Variants in CLPTM1L observed in about 807,000 individuals in gnomAD.
The protein encoded by CLPTM1L is CLPTM1 like, also known as lipid scramblase CLPTM1L.
CLPTM1L carries 38 observed loss-of-function variants against 70.9 expected under a neutral mutation model. The observed-to-expected ratio is 0.54, with a 90% CI of 0.41 to 0.70. The LOEUF is 0.70. Among genes scored for constraint, CLPTM1L ranks in the 30% least tolerant of loss-of-function variants. The probability of loss-of-function intolerance (pLI) is 0.00; values close to 1 mark genes in which losing one functional copy is unlikely to be tolerated. For synonymous variants in CLPTM1L, 339 were observed against 299.9 expected (o/e 1.13, Z -1.35); for missense variants, 652 against 705.9 (o/e 0.92, Z 0.87).
chr5:1,325,864 G>C (rs1348291285), intron 9 of CLPTM1L, 48 bp from the exon 10 acceptor site: 1 of 1,557,836 alleles, frequency 6.4e-7, no homozygotes, highest in Non-Finnish European at 8.8e-7. Flanking sequence ...CGAAGGCCAG[G>C]AGCCACGAAT....
At position 1,335,536 on chromosome 5, in the gene CLPTM1L, C is replaced by T. The variant is rs954942129; in HGVS notation, c.679-362G>A. 3.9e-5 allele frequency among the ~76,000 whole-genome samples: 6 copies of T among 152,396 alleles called. No individual in the cohort carries two copies. The East Asian group carries it at 5.8e-4, about 15-fold the overall frequency. On this transcript the variant is annotated intron_variant, in intron 5 of 16. Transcript: ENST00000320895. ...TAGGACTCCATGGCGCAGCATACGG[C>T]GCTGAGCTTGGCCTGCAGAGCCCTG...
chr5:1,328,529 GAC>G (rs1752806034), intron 9 of CLPTM1L, among the ~76,000 whole-genome samples: 1 of 149,718 alleles, frequency 6.7e-6, no homozygotes, highest in Admixed American at 6.6e-5. Context: ...CTCCTCTGCA[GAC>G]ACATTTCATC....
At chr5:1,334,823 C>T (rs1753457472) in intron 6 of CLPTM1L, among the ~76,000 whole-genome samples, 1 of 152,208 alleles carries the variant, frequency 6.6e-6, no homozygotes. Context: ...TTCATTTGAC[C>T]AAACTCATGG....
chr5:1,329,337 C>T (rs1752911688), intron 9 of CLPTM1L, among the ~76,000 whole-genome samples: 1 of 152,284 alleles, frequency 6.6e-6, no homozygotes, highest in Non-Finnish European at 1.5e-5. Flanking sequence ...TCTCAAGGCC[C>T]CACGGTTTAC....
rs963367224 is a variant in CLPTM1L at position 1,320,644 on chromosome 5, C to T, written c.1504G>A (p.Val502Met). 4 of 1,545,430 alleles carry T rather than the reference C, an allele frequency of 2.6e-6. No individual in the cohort carries two copies. Among genetic ancestry groups the T allele is most frequent in the Non-Finnish European group, 3.5e-6 (4 of 1,143,988 alleles). ...CGCTGGTACAGGTAGACCAGAAACA[C>T]CACGTCGTCCCGGAAGCAGGCCAGC... ...HRLACFRDDV[V>M]FLVYLYQRWL... The change falls in exon 16 of 17, where the codon GTG (valine) becomes ATG (methionine). Residue 502 changes from valine (V) to methionine (M), a missense_variant. By Grantham distance (21) the Val-to-Met change is conservative (BLOSUM62 1). Coordinates refer to ENST00000320895, the MANE Select transcript of CLPTM1L (RefSeq NM_030782.5).
intron 7 of CLPTM1L, 146 bp downstream of exon 7, chr5:1,334,142 GC>G (rs1753392985): frequency 1.7e-6 from 1 of 572,042 alleles, no homozygotes; most frequent in African/African-American, 1.9e-5. Context: ...TGTCAGGCGT[GC>G]TGGCTGCTGA....
chr5:1,325,944 T>A, intron 9 of CLPTM1L, 128 bp from the exon 10 acceptor site: 1 of 740,812 alleles, frequency 1.3e-6, no homozygotes, highest in Non-Finnish European at 2.3e-6. Flanking sequence ...CCTCTTCCTG[T>A]CCCTCCCACA....
chr5:1,339,460 C>G, intron 3 of CLPTM1L, among the ~76,000 whole-genome samples: 1 of 133,106 alleles, frequency 7.5e-6, no homozygotes, highest in Admixed American at 7.4e-5. Context: ...AGGGTCAGCG[C>G]CCTAACCTGT....
chr5:1,324,647 C>T (rs1057332339), intron 11 of CLPTM1L, 116 bp downstream of exon 11: 7 of 1,018,594 alleles, frequency 6.9e-6, no homozygotes, highest in South Asian at 4.1e-5. Flanking sequence ...CTGCTCAAGG[C>T]GGGCTGACCC....
Position 1,321,819 on chromosome 5 carries a change from C to T in CLPTM1L, c.1316G>A (p.Gly439Glu). Residue 439 changes from glycine to glutamate, a missense_variant and splice_region_variant, in exon 14 of 17, where the codon GGG becomes GAG. This residue lies in a region of CLPTM1L where 240 missense variants were observed against 295.0 expected (regional missense o/e 0.81). Transcript: ENST00000320895. Reference sequence around the variant, plus strand: ...GAAGAGGAAACCAAAGGCATAGACCCCTGCAGAAAGACAGACAGCACTCAC... The same window carrying T: ...GAAGAGGAAACCAAAGGCATAGACCTCTGCAGAAAGACAGACAGCACTCAC... The part of the protein sequence containing the change: ...YSWLINSFVN[G>E]VYAFGFLFML... 1 of 1,613,668 alleles carries T rather than the reference C, an allele frequency of 6.2e-7. No individual in the cohort carries two copies. The highest frequency in any genetic ancestry group is 8.5e-7 in the Non-Finnish European group (1 of 1,179,794).
At chr5:1,326,014 C>T (rs567013027) in intron 9 of CLPTM1L, 198 bp from the exon 10 acceptor site, 1 of 573,548 alleles carries the variant, frequency 1.7e-6, no homozygotes, top group Non-Finnish European at 3.1e-6. Flanking sequence ...GGCAGGCGTA[C>T]CTGGTCAGGT....
At chr5:1,321,588 A>C (rs756667595) in intron 15 of CLPTM1L, 47 bp downstream of exon 15, 1 of 1,572,950 alleles carries the variant, frequency 6.4e-7, no homozygotes, top group South Asian at 1.1e-5. Context: ...GCCCTTGCTC[A>C]CGCTCTGCTC....
rs183415476 is a variant in CLPTM1L at position 1,341,915 on chromosome 5, A to G, written c.264-55T>C. On this transcript the variant is annotated intron_variant, in intron 2 of 16. Coordinates refer to ENST00000320895, the MANE Select transcript of CLPTM1L (RefSeq NM_030782.5). The stretch of plus-strand genomic sequence containing the variant: ...ACATATTATATTCTGGGTCTCTAGA[A>G]CCTATTCAAATACCTTTATAAAGCT... 291 of 1,410,794 alleles carry G rather than the reference A, an allele frequency of 2.1e-4. No homozygotes were observed. In the African/African-American group the frequency reaches 3.9e-3, roughly 19 times the overall value. 87.4% of individuals were successfully genotyped at this position (1,410,794 alleles called of 1,614,324 possible). A position where few individuals can be genotyped will look rare whatever the true frequency, so the allele number is the denominator to read the frequency against.
intron 3 of CLPTM1L, among the ~76,000 whole-genome samples, 185 bp downstream of exon 3, chr5:1,341,486 T>A (rs543370696): frequency 2.5e-4 from 38 of 152,338 alleles, no homozygotes; most frequent in African/African-American, 8.4e-4. Flanking sequence ...AAAACTTGTC[T>A]GCAAACTCAT....
At chr5:1,344,060 GTTCACC>G (rs1754115387) in intron 2 of CLPTM1L, among the ~76,000 whole-genome samples, 1 of 152,204 alleles carries the variant, frequency 6.6e-6, no homozygotes, top group African/African-American at 2.4e-5. Context: ...CTCTCCACTG[GTTCACC>G]AAGCGTGGCC....
intron 9 of CLPTM1L, chr5:1,326,256 C>T (rs1341950791): frequency 1.2e-5 from 3 of 250,302 alleles, no homozygotes; most frequent in Admixed American, 5.2e-5. Flanking sequence ...CACTGTGACT[C>T]GTACCTATGG....
intron 16 of CLPTM1L, 85 bp downstream of exon 16, chr5:1,320,531 G>T: frequency 1.5e-6 from 1 of 663,350 alleles, no homozygotes. Context: ...AACAGGCGCA[G>T]GGTGCGGTGA....
Position 1,344,447 on chromosome 5 carries a change from C to T in CLPTM1L, c.167G>A (p.Ser56Asn). The T allele has an allele frequency of 6.2e-7, 1 of 1,613,254 alleles. No individual in the cohort carries two copies. The change falls in exon 2 of 17, where the codon AGC (serine) becomes AAC (asparagine). Residue 56 changes from serine (S) to asparagine (N), a missense_variant. Transcript: ENST00000320895. ...GTGGGACCTCGTCGTGGTGTACACG[C>T]TCAGCTGGAAAGGAGGGGGCGTCGA... ...YLARRPKLQL[S>N]VYTTTRSHLG...
chr5:1,324,865 C>G (rs1752420225), intron 10 of CLPTM1L, 52 bp from the exon 11 acceptor site: 1 of 1,543,826 alleles, frequency 6.5e-7, no homozygotes. Context: ...AGGATCTGAG[C>G]ACAGCTGAGC....
Sources: allele counts gnomAD v4.1 joint callset (sites outside exome capture counted in the v4.1 genomes callset), GRCh38; gene constraint gnomAD v4.1.1; regional missense constraint gnomAD v4.1.1; transcripts MANE v1.5; gene names NCBI Gene and HGNC (gene_info 2026-07-23, HGNC 2026-07-21).